The following FNDC3B variants were observed in gnomAD, a reference collection of about 807,000 sequenced individuals.
FNDC3B encodes the protein fibronectin type III domain containing 3B, also known as fibronectin type III domain-containing protein 3B.
A neutral mutation model predicts 151.5 loss-of-function variants in FNDC3B; 12 were observed. The ratio of observed to expected loss-of-function variants is 0.08; its 90% confidence interval spans 0.05 to 0.13. FNDC3B has a LOEUF of 0.13. Among genes scored for constraint, FNDC3B ranks in the 10% least tolerant of loss-of-function variants. The pLI is 1.00. For missense variants in FNDC3B, 1,214 were observed against 1,505.3 expected, an observed-to-expected ratio of 0.81 and a Z score of 3.20; for synonymous variants, 528 against 549.0, an observed-to-expected ratio of 0.96 and a Z score of 0.54.
chr3:172,216,172 A>T (rs1357138955), intron 3 of FNDC3B, among the ~76,000 whole-genome samples: 1 of 152,126 alleles, frequency 6.6e-6, no homozygotes, highest in East Asian at 1.9e-4. Context: ...TTTGCTGTTG[A>T]TATTTGCAGG....
intron 1 of FNDC3B, among the ~76,000 whole-genome samples, chr3:172,046,559 G>T (rs1053980314): frequency 2.6e-5 from 4 of 151,942 alleles, no homozygotes; most frequent in South Asian, 2.1e-4. Context: ...CTGGCTTGAA[G>T]CAATCCCCCC....
intron 3 of FNDC3B, among the ~76,000 whole-genome samples, chr3:172,175,958 A>G (rs935314776): frequency 6.6e-6 from 1 of 152,198 alleles, no homozygotes; most frequent in Admixed American, 6.5e-5. Flanking sequence ...TTCCTTTTCT[A>G]TTATATGTCT....
chr3:172,347,625 G>A (rs1470968562), intron 21 of FNDC3B, among the ~76,000 whole-genome samples: 3 of 152,192 alleles, frequency 2.0e-5, no homozygotes, highest in Middle Eastern at 3.2e-3. Context: ...CTGTTCATCA[G>A]TTTGCTGAAT....
At chr3:172,238,081 T>C (rs1468968126) in intron 4 of FNDC3B, among the ~76,000 whole-genome samples, 1 of 152,204 alleles carries the variant, frequency 6.6e-6, no homozygotes. Context: ...GAAAAGTAGT[T>C]TGATGTTTTC....
chr3:172,187,400 G>C (rs949947557), intron 3 of FNDC3B: 1 of 152,150 alleles, frequency 6.6e-6, no homozygotes, highest in African/African-American at 2.4e-5. Context: ...TAGGGGTGTC[G>C]TGAGTCCTGT....
chr3:172,039,922 G>A (rs1715929855), intron 1 of FNDC3B, among the ~76,000 whole-genome samples, 151 bp downstream of exon 1: 1 of 152,070 alleles, frequency 6.6e-6, no homozygotes, highest in Non-Finnish European at 1.5e-5. Flanking sequence ...GCAAAAACTT[G>A]GCGCCGGAGT....
chr3:172,045,783 TC>T (rs1716334940), intron 1 of FNDC3B, among the ~76,000 whole-genome samples: 1 of 151,364 alleles, frequency 6.6e-6, no homozygotes, highest in South Asian at 2.1e-4. Context: ...TCTCTCTCTC[TC>T]TCTCTCTCTC....
In FNDC3B at chr3:172,381,104, G is replaced by C. The variant is rs749434817; in HGVS notation, c.3303+11G>C. 1 of 1,612,934 alleles carries C rather than the reference G, an allele frequency of 6.2e-7. No homozygotes were observed. Among genetic ancestry groups the C allele is most frequent in the South Asian group, 1.1e-5 (1 of 91,040 alleles). ...TCTGAGTACAAACAGGTAAGAACCA[G>C]TGTGCATGGCACATGTGCAACTGAG... On this transcript the variant is annotated intron_variant, in intron 25 of 25. Transcript: ENST00000415807.
chr3:172,175,079 C>T lies in FNDC3B; in HGVS notation c.187+41533C>T, dbSNP rs10936714. 8.3e-3 allele frequency among the ~76,000 whole-genome samples: 1,257 copies of T among 151,850 alleles called. 14 individuals carry two copies. The highest frequency in any genetic ancestry group is 0.029 in the African/African-American group (1,199 of 41,398). On this transcript the variant is annotated intron_variant, in intron 3 of 25. Transcript: ENST00000415807. Reference sequence around the variant, plus strand: ...CAGGCCCCTGCTGCTTTTGCTTTCTCGCTGCTTTTGCTTTCTCTGCTGCAT... The same window carrying T: ...CAGGCCCCTGCTGCTTTTGCTTTCTTGCTGCTTTTGCTTTCTCTGCTGCAT...
At chr3:172,382,233 C>G (rs1403648147) in intron 25 of FNDC3B, among the ~76,000 whole-genome samples, 4 of 152,172 alleles carry the variant, frequency 2.6e-5, no homozygotes, top group South Asian at 2.1e-4. Context: ...TGATGACGAG[C>G]TTTTTTTCAT....
At chr3:172,255,904 G>A (rs1055406760) in intron 6 of FNDC3B, among the ~76,000 whole-genome samples, 9 of 152,268 alleles carry the variant, frequency 5.9e-5, no homozygotes, top group South Asian at 2.1e-4. Flanking sequence ...CTCCTCATAC[G>A]TTTCTTAGGA....
At chr3:172,364,223 A>G (rs1734497194) in intron 23 of FNDC3B, among the ~76,000 whole-genome samples, 1 of 152,196 alleles carries the variant, frequency 6.6e-6, no homozygotes, top group African/African-American at 2.4e-5. Context: ...ACAACTCAAC[A>G]GGAGAGGGCT....
chr3:172,397,091 T>C, intron 25 of FNDC3B, 73 bp from the exon 26 acceptor site: 1 of 1,266,858 alleles, frequency 7.9e-7, no homozygotes, highest in South Asian at 1.5e-5. Context: ...ATGGAGTGAA[T>C]CTAAACCAAG....
At chr3:172,054,500 G>A (rs899273275) in intron 1 of FNDC3B, among the ~76,000 whole-genome samples, 1 of 152,208 alleles carries the variant, frequency 6.6e-6, no homozygotes, top group East Asian at 1.9e-4. Context: ...TTGTGGAGGG[G>A]TGTAGACAAA....
chr3:172,108,493 T>G (rs1486596702), intron 1 of FNDC3B, among the ~76,000 whole-genome samples: 1 of 152,282 alleles, frequency 6.6e-6, no homozygotes, highest in East Asian at 1.9e-4. Context: ...TAGGTATTCC[T>G]GAGGTCTCCT....
chr3:172,276,228 G>A lies in FNDC3B; in HGVS notation c.791-9698G>A, dbSNP rs75392633. On this transcript the variant is annotated intron_variant, in intron 6 of 25. Transcript: ENST00000415807. ...TAGTGGCACTTTGTGTCTTGTTACT[G>A]TTTGGCCATCTAATCTTAAATTAGA... 9.2e-5 allele frequency among the ~76,000 whole-genome samples: 14 copies of A among 152,220 alleles called. No individual in the cohort carries two copies. The East Asian group carries it at 2.5e-3, about 27-fold the overall frequency.
At chr3:172,185,513 T>G (rs1443391427) in intron 3 of FNDC3B, among the ~76,000 whole-genome samples, 5 of 152,236 alleles carry the variant, frequency 3.3e-5, no homozygotes, top group African/African-American at 1.2e-4. Context: ...TTCTACAGAA[T>G]GTATCTACCG....
intron 3 of FNDC3B, among the ~76,000 whole-genome samples, chr3:172,173,090 CT>C (rs199677426): frequency 0.033 from 5,025 of 152,068 alleles, 99 homozygotes; most frequent in South Asian, 0.055. Context: ...TCCCTTTCCC[CT>C]TTTCAGAAGT....
In FNDC3B at chr3:172,397,642, A is replaced by G. The variant is rs1381013721; in HGVS notation, c.*167A>G. 1 of 409,968 alleles carries G rather than the reference A, an allele frequency of 2.4e-6. No homozygotes were observed. Among genetic ancestry groups the G allele is most frequent in the Non-Finnish European group, 4.2e-6 (1 of 236,308 alleles). 25.4% of individuals were successfully genotyped at this position (409,968 alleles called of 1,614,324 possible). ...TTTTGGTGCACCTTTTTGAAATGCA[A>G]AACTAGGAAAAGGTTAAACTGGATT... On this transcript the variant is annotated 3_prime_UTR_variant, in exon 26 of 26. Coordinates refer to ENST00000415807, the MANE Select transcript of FNDC3B (RefSeq NM_022763.4).
Sources: gnomAD v4.1 joint callset for allele counts (sites outside exome capture counted in the v4.1 genomes callset) on GRCh38, gnomAD v4.1.1 for gene constraint, MANE v1.5 for transcripts, NCBI Gene and HGNC (gene_info 2026-07-23, HGNC 2026-07-21) for gene names.